The following RNF180 variants were observed in gnomAD, a reference collection of about 807,000 sequenced individuals.
RNF180 encodes the protein ring finger protein 180.
Under a neutral mutation model 59.2 loss-of-function variants are expected in RNF180, and 38 were observed. The ratio of observed to expected loss-of-function variants is 0.64; its 90% confidence interval spans 0.50 to 0.84. The LOEUF (loss-of-function observed/expected upper bound fraction) is 0.84, where lower values mean the gene tolerates loss of function less well. Ranked by LOEUF, RNF180 falls within the 40% of genes least tolerant of loss-of-function variation. The probability of loss-of-function intolerance (pLI) is 0.00; values close to 1 mark genes in which losing one functional copy is unlikely to be tolerated. For synonymous variants in RNF180, 262 were observed against 240.3 expected (o/e 1.09, Z -0.84); for missense variants, 705 against 700.9 (o/e 1.01, Z -0.07).
intron 5 of RNF180, among the ~76,000 whole-genome samples, chr5:64,252,886 A>C (rs1175659732): frequency 6.6e-6 from 1 of 152,044 alleles, no homozygotes; most frequent in East Asian, 1.9e-4. Context: ...AACAGAAGAC[A>C]TTCATGAACC....
chr5:64,357,704 G>C (rs2112597182), intron 7 of RNF180, among the ~76,000 whole-genome samples: 1 of 151,794 alleles, frequency 6.6e-6, no homozygotes, highest in East Asian at 2.0e-4. Context: ...TGAGATAACT[G>C]TTCAGAGATA....
At chr5:64,171,678 C>T (rs1749944117) in intron 1 of RNF180, among the ~76,000 whole-genome samples, 1 of 152,116 alleles carries the variant, frequency 6.6e-6, no homozygotes, top group African/African-American at 2.4e-5. Context: ...CTTGTCAGTA[C>T]CATTATGGAT....
At chr5:64,179,809 T>A (rs1750472027) in intron 1 of RNF180, among the ~76,000 whole-genome samples, 1 of 152,196 alleles carries the variant, frequency 6.6e-6, no homozygotes, top group Admixed American at 6.5e-5. Flanking sequence ...TCAGACATTA[T>A]CAAATTGCTT....
At chr5:64,207,657 G>C (rs988277396) in intron 2 of RNF180, among the ~76,000 whole-genome samples, 3 of 152,048 alleles carry the variant, frequency 2.0e-5, no homozygotes, top group African/African-American at 7.2e-5. Context: ...CAAGAATTGA[G>C]GCAGGGAGCC....
At chr5:64,296,825 A>G (rs1461773466) in intron 5 of RNF180, among the ~76,000 whole-genome samples, 1 of 152,056 alleles carries the variant, frequency 6.6e-6, no homozygotes, top group African/African-American at 2.4e-5. Context: ...GTCTGCCTGG[A>G]TGTCAGGAGG....
intron 1 of RNF180, among the ~76,000 whole-genome samples, chr5:64,179,805 A>G (rs918629684): frequency 2.6e-5 from 4 of 152,182 alleles, no homozygotes; most frequent in Non-Finnish European, 5.9e-5. Flanking sequence ...TTTATCAGAC[A>G]TTATCAAATT....
chr5:64,349,588 C>T (rs1280402181), intron 7 of RNF180, among the ~76,000 whole-genome samples: 2 of 151,884 alleles, frequency 1.3e-5, no homozygotes, highest in Admixed American at 6.6e-5. Context: ...CCCCCTTGCC[C>T]CCCACCACAC....
intron 7 of RNF180, among the ~76,000 whole-genome samples, chr5:64,348,764 TC>T (rs922618974): frequency 2.4e-4 from 36 of 152,092 alleles, no homozygotes; most frequent in African/African-American, 8.4e-4. Context: ...TATATGTAAG[TC>T]TAAAATTATA....
At chr5:64,347,508 T>C (rs1402763300) in intron 7 of RNF180, among the ~76,000 whole-genome samples, 1 of 152,128 alleles carries the variant, frequency 6.6e-6, no homozygotes, top group Admixed American at 6.6e-5. Context: ...TCAGACCTTT[T>C]TTGCCAGCTG....
At chr5:64,231,336 T>C (rs765298485) in intron 5 of RNF180, among the ~76,000 whole-genome samples, 14 of 152,152 alleles carry the variant, frequency 9.2e-5, no homozygotes, top group Non-Finnish European at 1.5e-4. Flanking sequence ...ACAAAGACAA[T>C]AGATTTCATT....
intron 1 of RNF180, among the ~76,000 whole-genome samples, chr5:64,198,199 T>C (rs1751552073): frequency 6.6e-6 from 1 of 152,200 alleles, no homozygotes; most frequent in South Asian, 2.1e-4. Context: ...TTTTACATTC[T>C]TTTTTTCTAC....
chr5:64,316,285 A>C (rs1430819226), intron 5 of RNF180, among the ~76,000 whole-genome samples: 2 of 152,136 alleles, frequency 1.3e-5, no homozygotes, highest in African/African-American at 4.8e-5. Context: ...GAGTCTGTGA[A>C]TCACACTTAA....
intron 5 of RNF180, among the ~76,000 whole-genome samples, chr5:64,311,326 C>T (rs1275986526): frequency 1.3e-5 from 2 of 151,960 alleles, no homozygotes; most frequent in Admixed American, 6.6e-5. Context: ...CATAGATCTG[C>T]ATCACACATT....
chr5:64,202,277 T>C (rs1292770374), intron 2 of RNF180, among the ~76,000 whole-genome samples: 2 of 152,218 alleles, frequency 1.3e-5, no homozygotes, highest in East Asian at 1.9e-4. Flanking sequence ...GCCTGACTTA[T>C]TTGTGTCAGC....
At chr5:64,192,903 G>GTGTATATATATATATATA (rs1486448173) in intron 1 of RNF180, among the ~76,000 whole-genome samples, 6 of 93,880 alleles carry the variant, frequency 6.4e-5, no homozygotes, top group African/African-American at 2.5e-4. Context: ...AGTGTGGCAT[G>GTGTATATATATATATATA]TATATATATA....
intron 7 of RNF180, among the ~76,000 whole-genome samples, chr5:64,347,141 T>C (rs1355973269): frequency 6.6e-6 from 1 of 152,198 alleles, no homozygotes; most frequent in Non-Finnish European, 1.5e-5. Context: ...AGTGCAAATT[T>C]AAGAAATCTA....
intron 7 of RNF180, among the ~76,000 whole-genome samples, chr5:64,360,176 G>T (rs754042234): frequency 2.6e-4 from 39 of 151,586 alleles, no homozygotes; most frequent in Non-Finnish European, 3.8e-4. Context: ...CTGAAGAAAG[G>T]CATTGGTAGC....
intron 5 of RNF180, among the ~76,000 whole-genome samples, chr5:64,243,716 TC>T: frequency 6.6e-6 from 1 of 152,138 alleles, no homozygotes; most frequent in East Asian, 1.9e-4. Context: ...GCAGCGGATC[TC>T]CCATCACAGT....
chr5:64,333,618 A>G (rs1453703890), intron 7 of RNF180, among the ~76,000 whole-genome samples: 2 of 152,194 alleles, frequency 1.3e-5, no homozygotes, highest in Non-Finnish European at 2.9e-5. Flanking sequence ...TCTACCTTCT[A>G]TGCTATACCC....
Sources: allele counts gnomAD v4.1 joint callset (sites outside exome capture counted in the v4.1 genomes callset), GRCh38; gene constraint gnomAD v4.1.1; transcripts MANE v1.5; gene names NCBI Gene and HGNC (gene_info 2026-07-23, HGNC 2026-07-21).